Variants in KTN1 observed in about 807,000 individuals in gnomAD.
KTN1 encodes kinectin.
A neutral mutation model predicts 222.5 loss-of-function variants in KTN1; 130 were observed. The ratio of observed to expected loss-of-function variants is 0.58; its 90% CI spans 0.51 to 0.68. The LOEUF (loss-of-function observed/expected upper bound fraction) is 0.68, where lower values mean the gene tolerates loss of function less well. Among genes scored for constraint, KTN1 ranks in the 30% least tolerant of loss-of-function variants. The pLI is 0.00. For synonymous variants in KTN1, 512 were observed against 496.3 expected (o/e 1.03, Z -0.42); for missense variants, 1,508 against 1,500.4 (o/e 1.01, Z -0.08).
Position 55,618,241 on chromosome 14 carries a change from A to G in KTN1, c.832+107A>G, listed in dbSNP as rs934077564. 13 of 814,502 alleles carry G rather than the reference A, an allele frequency of 1.6e-5. No individual in the cohort carries two copies. The African/African-American group carries it at 1.9e-4, about 12-fold the overall frequency. The allele number at this position is 814,502 out of a possible 1,614,324, so 50.5% of individuals were successfully genotyped here. On this transcript the variant is annotated intron_variant, in intron 4 of 43. Coordinates refer to ENST00000395314, the MANE Select transcript of KTN1 (RefSeq NM_001079521.2). ...CATAGAAACAATGCATTTCAAAAGA[A>G]TCAAATCCTTGTGGTAGAAGACTTA...
At chr14:55,585,969 G>GT (rs2032900706) in intron 1 of KTN1, among the ~76,000 whole-genome samples, 1 of 152,184 alleles carries the variant, frequency 6.6e-6, no homozygotes. Context: ...GTGAATTCAA[G>GT]TAAGTGTACA....
chr14:55,679,130 G>A (rs935695000), intron 42 of KTN1: 2 of 159,484 alleles, frequency 1.3e-5, no homozygotes, highest in African/African-American at 4.8e-5. Context: ...TTTGAAAGAA[G>A]TAAATGAGTT....
At chr14:55,616,131 A>G (rs1331472184) in intron 2 of KTN1, among the ~76,000 whole-genome samples, 1 of 151,952 alleles carries the variant, frequency 6.6e-6, no homozygotes, top group African/African-American at 2.4e-5. Context: ...AGGTTTCACC[A>G]CTTTGCCCAG....
intron 18 of KTN1, among the ~76,000 whole-genome samples, chr14:55,644,799 A>G (rs2042139947): frequency 6.6e-6 from 1 of 152,164 alleles, no homozygotes; most frequent in Non-Finnish European, 1.5e-5. Context: ...GGATTAAACC[A>G]ATAAAGTATG....
chr14:55,647,960 T>A (rs2042559156), intron 19 of KTN1, 65 bp from the exon 20 acceptor site: 1 of 487,024 alleles, frequency 2.1e-6, no homozygotes, highest in East Asian at 5.6e-5. Flanking sequence ...AAATAATAAT[T>A]ATAATAATAA....
chr14:55,611,895 G>C (rs1290076305), intron 1 of KTN1, 124 bp from the exon 2 acceptor site: 1 of 422,264 alleles, frequency 2.4e-6, no homozygotes, highest in Non-Finnish European at 4.2e-6. Flanking sequence ...GAACTAACCT[G>C]TTTAGATTTG....
rs200343997 is a variant in KTN1 at position 55,679,592 on chromosome 14, G to A, written c.3976G>A (p.Val1326Ile). 8.3e-5 allele frequency: 134 copies of A among 1,611,124 alleles called. No individual in the cohort carries two copies. The highest frequency in any genetic ancestry group is 1.1e-4 in the Non-Finnish European group (127 of 1,177,592). ...GTCTTCTGAGAAGGAGACAATGTCT[G>A]TAAGTCTAAATCAGACTGTAACACA... Reference protein sequence around the residue: ...TESSEKETMSVSLNQTVTQLQ... With the variant: ...TESSEKETMSISLNQTVTQLQ... The change falls in exon 43 of 44, where the codon GTA becomes ATA. Residue 1326 changes from valine to isoleucine, a missense_variant. Val to Ile is a conservative substitution (Grantham distance 29). Transcript: ENST00000395314.
intron 1 of KTN1, among the ~76,000 whole-genome samples, chr14:55,602,678 C>G (rs1332830048): frequency 6.6e-6 from 1 of 151,376 alleles, no homozygotes; most frequent in East Asian, 1.9e-4. Flanking sequence ...AGCTTCTGTG[C>G]TCAAGCGATC....
chr14:55,644,171 T>G, intron 18 of KTN1: 291 of 375,504 alleles, frequency 7.7e-4, no homozygotes, highest in Middle Eastern at 1.6e-3. Context: ...CTCTAGTCGT[T>G]TTTATTGTTG....
At chr14:55,678,552 T>C (rs565828663) in intron 42 of KTN1, 108 bp downstream of exon 42, 3 of 704,200 alleles carry the variant, frequency 4.3e-6, no homozygotes, top group East Asian at 5.1e-5. Context: ...CTTGAAAATA[T>C]CCTGTCCCTA....
intron 18 of KTN1, among the ~76,000 whole-genome samples, chr14:55,645,717 G>A (rs531526278): frequency 4.9e-4 from 75 of 152,050 alleles, no homozygotes; most frequent in African/African-American, 1.7e-3. Context: ...GTTTTTTCCT[G>A]TGCCTCCTAC....
intron 1 of KTN1, among the ~76,000 whole-genome samples, chr14:55,604,096 T>C (rs1028522473): frequency 1.3e-5 from 2 of 152,194 alleles, no homozygotes; most frequent in Non-Finnish European, 2.9e-5. Flanking sequence ...TTACTGAGAG[T>C]GTTAGCCACA....
chr14:55,635,111 A>G (rs2040972174), intron 9 of KTN1, among the ~76,000 whole-genome samples: 1 of 152,202 alleles, frequency 6.6e-6, no homozygotes, highest in Admixed American at 6.5e-5. Flanking sequence ...AAATGTGTAT[A>G]TAGGTTTGAA....
At chr14:55,614,590 A>G (rs1299683836) in intron 2 of KTN1, among the ~76,000 whole-genome samples, 1 of 152,200 alleles carries the variant, frequency 6.6e-6, no homozygotes, top group African/African-American at 2.4e-5. Flanking sequence ...TGGTTGGGAA[A>G]TAGAATAATA....
chr14:55,596,120 A>C (rs2034982576), intron 1 of KTN1, among the ~76,000 whole-genome samples: 1 of 145,692 alleles, frequency 6.9e-6, no homozygotes, highest in African/African-American at 2.5e-5. Flanking sequence ...GTGCCACTGC[A>C]CTCCAGCATG....
intron 24 of KTN1, 80 bp downstream of exon 24, chr14:55,650,717 C>A: frequency 1.8e-6 from 2 of 1,084,760 alleles, no homozygotes; most frequent in Non-Finnish European, 1.4e-6. Flanking sequence ...TCTTGTTACT[C>A]AGAAAAAACT....
intron 42 of KTN1, chr14:55,679,177 C>A (rs939493455): frequency 1.7e-5 from 3 of 179,538 alleles, no homozygotes; most frequent in African/African-American, 7.2e-5. Flanking sequence ...GTGGTACTTA[C>A]AACAGTGCCT....
intron 28 of KTN1, among the ~76,000 whole-genome samples, 200 bp downstream of exon 28, chr14:55,653,796 T>C (rs539423992): frequency 6.6e-6 from 1 of 152,296 alleles, no homozygotes; most frequent in South Asian, 2.1e-4. Flanking sequence ...CCTGGAGACT[T>C]TATCCTTTCC....
At position 55,618,186 on chromosome 14, in the gene KTN1, G is replaced by C. The variant is rs752039950; in HGVS notation, c.832+52G>C. 5.3e-6 allele frequency: 7 copies of C among 1,313,492 alleles called. No individual in the cohort carries two copies. In the African/African-American group the frequency reaches 9.0e-5, roughly 17 times the overall value. The allele number at this position is 1,313,492 out of a possible 1,614,324, so 81.4% of individuals were successfully genotyped here. Reference sequence around the variant, plus strand: ...TTGTACTATAAAAACACATTTCTGAGTTCTGATGGAGTCATAGATTTCATT... The same window carrying C: ...TTGTACTATAAAAACACATTTCTGACTTCTGATGGAGTCATAGATTTCATT... On this transcript the variant is annotated intron_variant, in intron 4 of 43. Transcript: ENST00000395314.
Sources: gnomAD v4.1 joint callset for allele counts (sites outside exome capture counted in the v4.1 genomes callset) on GRCh38, gnomAD v4.1.1 for gene constraint, MANE v1.5 for transcripts, NCBI Gene and HGNC (gene_info 2026-07-23, HGNC 2026-07-21) for gene names.